The following DGKG variants were observed in gnomAD, a reference collection of about 807,000 sequenced individuals.
The protein encoded by DGKG is diacylglycerol kinase gamma, also known as DAG kinase gamma.
In DGKG, 78 loss-of-function variants were observed where a neutral mutation model predicts 105.3. The observed-to-expected ratio is 0.74, with a 90% CI of 0.62 to 0.89. DGKG has a LOEUF of 0.89. Among genes scored for constraint, DGKG ranks in the 40% least tolerant of loss-of-function variants. The probability of loss-of-function intolerance (pLI) is 0.00; values close to 1 mark genes in which losing one functional copy is unlikely to be tolerated. For missense variants in DGKG, 958 were observed against 1,020.1 expected (o/e 0.94, Z 0.83); for synonymous variants, 346 against 367.1 (o/e 0.94, Z 0.66).
intron 20 of DGKG, among the ~76,000 whole-genome samples, chr3:186,212,787 G>C (rs1654921843): frequency 6.6e-6 from 1 of 152,170 alleles, no homozygotes; most frequent in South Asian, 2.1e-4. Context: ...TTGGCTAAGA[G>C]AAGGGACACC....
chr3:186,257,933 G>A lies in DGKG; in HGVS notation c.1431C>T (p.Asn477=), dbSNP rs199506098. 31 of 1,613,964 alleles carry A rather than the reference G, an allele frequency of 1.9e-5. No individual in the cohort carries two copies. The African/African-American group carries it at 3.2e-4, about 17-fold the overall frequency. ...LDNGGPTPGL[N]FFRDTPDFRV... is the part of the protein sequence containing the mutation. ...GGAAGTCTGGAGTATCACGGAAAAA[G>A]TTCAACCTGGGAAGAAGAAGAAAGG... is the stretch of plus-strand genomic sequence containing the variant. Residue 477 remains asparagine, a synonymous_variant, in exon 17 of 25, where the codon AAC becomes AAT. Transcript: ENST00000265022.
intron 1 of DGKG, among the ~76,000 whole-genome samples, chr3:186,348,028 G>A (rs1726429944): frequency 6.6e-6 from 1 of 152,128 alleles, no homozygotes; most frequent in Non-Finnish European, 1.5e-5. Context: ...GTTCAGCAAT[G>A]AAACAATATT....
At position 186,225,174 on chromosome 3, in the gene DGKG, T is replaced by C. The variant is rs149433871; in HGVS notation, c.1827-13289A>G. Among the ~76,000 whole-genome samples, 69 of 152,106 alleles carry C rather than the reference T, an allele frequency of 4.5e-4. 1 individual carries two copies. The East Asian group carries it at 0.013, about 28-fold the overall frequency. The stretch of plus-strand genomic sequence containing the variant: ...CAAGTGGTACGATTATATTAATAGT[T>C]CCCTGTAGCTCCAAAATCCTGGGCT... On this transcript the variant is annotated intron_variant, in intron 20 of 24. Coordinates refer to ENST00000265022, the MANE Select transcript of DGKG (RefSeq NM_001346.3).
intron 19 of DGKG, among the ~76,000 whole-genome samples, chr3:186,250,354 G>A (rs535707565): frequency 6.6e-6 from 1 of 152,146 alleles, no homozygotes; most frequent in African/African-American, 2.4e-5. Flanking sequence ...GAGAGCATCA[G>A]GAAGAAACAG....
rs778932348 is a variant in DGKG, at chr3:186,164,866, T to C, written c.2216+32A>G. The C allele has an allele frequency of 5.6e-6, 9 of 1,594,092 alleles. No homozygotes were observed. The East Asian group carries it at 1.8e-4, about 32-fold the overall frequency. On this transcript the variant is annotated intron_variant, in intron 23 of 24. Transcript: ENST00000265022. ...ATGAATGTGTACGCAGGCGGGGAGA[T>C]GCAGAGGCTGTTGGGTGACAAAGAG...
At chr3:186,213,924 A>G (rs534186376) in intron 20 of DGKG, among the ~76,000 whole-genome samples, 1 of 152,336 alleles carries the variant, frequency 6.6e-6, no homozygotes, top group South Asian at 2.1e-4. Context: ...ATGGCAAAAG[A>G]CTAAGTAACA....
chr3:186,196,846 A>T (rs543058031), intron 21 of DGKG, among the ~76,000 whole-genome samples: 2 of 152,260 alleles, frequency 1.3e-5, no homozygotes, highest in South Asian at 4.1e-4. Context: ...CTCTGGGGTG[A>T]GTCGGGTGGT....
intron 22 of DGKG, among the ~76,000 whole-genome samples, chr3:186,178,080 G>A (rs192108972): frequency 6.9e-4 from 105 of 152,242 alleles, no homozygotes; most frequent in African/African-American, 2.3e-3. Flanking sequence ...GCATCCATCC[G>A]CAAACCAGGA....
chr3:186,289,933 G>A (rs987524005), intron 5 of DGKG, among the ~76,000 whole-genome samples: 1 of 152,192 alleles, frequency 6.6e-6, no homozygotes, highest in African/African-American at 2.4e-5. Flanking sequence ...GGCTGTGCTA[G>A]ATGAAAGCCT....
rs1723800181 is a variant in DGKG at position 186,299,806 on chromosome 3, T to TTTCTTTCTTTCTTTC, written c.145-1592_145-1578dup. ...CTTTCTTTCTTTCTTTCTTTCTTTC[T>TTTCTTTCTTTCTTTC]TTCTTTCTTTCTTTCTTTCTTTCTT... On this transcript the variant is annotated intron_variant, in intron 3 of 24. Coordinates refer to ENST00000265022, the MANE Select transcript of DGKG (RefSeq NM_001346.3). Among the ~76,000 whole-genome samples the TTTCTTTCTTTCTTTC allele has an allele frequency of 2.4e-4, 24 of 99,998 alleles. No individual in the cohort carries two copies. The Admixed American group carries it at 2.6e-3, about 11-fold the overall frequency. The allele number at this position is 99,998 out of a possible 152,430, so 65.6% of individuals were successfully genotyped here.
intron 6 of DGKG, among the ~76,000 whole-genome samples, chr3:186,288,051 A>C (rs1398021787): frequency 2.0e-5 from 3 of 152,222 alleles, no homozygotes; most frequent in Non-Finnish European, 4.4e-5. Context: ...ACAAGACTGC[A>C]GGCTGTTTCA....
At chr3:186,189,741 C>T (rs544368925) in intron 21 of DGKG, among the ~76,000 whole-genome samples, 1 of 152,254 alleles carries the variant, frequency 6.6e-6, no homozygotes, top group South Asian at 2.1e-4. Flanking sequence ...CTTGTTTCCC[C>T]AACTACAAGA....
In DGKG at chr3:186,298,227, C is replaced by A. The variant is rs370049749; in HGVS notation, c.147G>T (p.Pro49=). ...ACAGCTTGAAGACATCATAGCTAAT[C>A]GGCTGAGAAGGGGCAAAAGGGCAAA... is the stretch of plus-strand genomic sequence containing the variant. ...GSLKQYDPHE[P]ISYDVFKLFM... Residue 49 remains proline (P), a splice_region_variant and synonymous_variant, in exon 4 of 25, where the codon CCG becomes CCT. Coordinates refer to ENST00000265022, the MANE Select transcript of DGKG (RefSeq NM_001346.3). 9 of 1,591,526 alleles carry A rather than the reference C, an allele frequency of 5.7e-6. No homozygotes were observed. Among genetic ancestry groups the A allele is most frequent in the Admixed American group, 3.5e-5 (2 of 56,466 alleles).
chr3:186,222,309 C>T (rs571306331), intron 20 of DGKG, among the ~76,000 whole-genome samples: 8 of 152,300 alleles, frequency 5.3e-5, no homozygotes, highest in Non-Finnish European at 1.0e-4. Flanking sequence ...CCAGGCTAAC[C>T]CACAAGAGCC....
rs1722959298 is a variant in DGKG, at chr3:186,284,294, T to TA, written c.594+365_594+366insT. 6.6e-6 allele frequency among the ~76,000 whole-genome samples: 1 copy of TA among 152,100 alleles called. No individual in the cohort carries two copies. Among genetic ancestry groups the TA allele is most frequent in the Admixed American group, 6.5e-5 (1 of 15,276 alleles). On this transcript the variant is annotated intron_variant, in intron 7 of 24. Coordinates refer to ENST00000265022, the MANE Select transcript of DGKG (RefSeq NM_001346.3). This position sits in a 1 kb window ranked among gnomAD's most constrained non-coding sequence, Gnocchi z 4.0. ...AGCAGCCTCCTTCCTCGTGCCCTTTTCCCTTGGTCTTGTTGCCTCCCCCGC... is the reference window on the plus strand; with the variant it reads ...AGCAGCCTCCTTCCTCGTGCCCTTTTACCCTTGGTCTTGTTGCCTCCCCCGC...
intron 24 of DGKG, among the ~76,000 whole-genome samples, chr3:186,157,682 A>G (rs1716101783): frequency 6.6e-6 from 1 of 152,190 alleles, no homozygotes; most frequent in Non-Finnish European, 1.5e-5. Flanking sequence ...CATTAGAATC[A>G]AGATGATTGT....
intron 22 of DGKG, among the ~76,000 whole-genome samples, chr3:186,172,710 T>G (rs1716882548): frequency 6.6e-6 from 1 of 152,208 alleles, no homozygotes; most frequent in Non-Finnish European, 1.5e-5. Flanking sequence ...TAGCCACTGA[T>G]AGAAAAACTG....
intron 1 of DGKG, among the ~76,000 whole-genome samples, chr3:186,325,221 A>G (rs1725279228): frequency 6.6e-6 from 1 of 152,166 alleles, no homozygotes; most frequent in Non-Finnish European, 1.5e-5. Context: ...TGGAAGTAAA[A>G]GACACTGGGG....
Position 186,260,483 on chromosome 3 carries a change from G to A in DGKG, c.1380C>T (p.Asn460=). 2 of 1,613,546 alleles carry A rather than the reference G, an allele frequency of 1.2e-6. No homozygotes were observed. The highest frequency in any genetic ancestry group is 1.7e-6 in the Non-Finnish European group (2 of 1,179,482). The part of the protein sequence containing the change: ...RILRKFHYLL[N]PKQVFNLDNG... ...TGTCCAGGTTGAAAACTTGTTTGGG[G>A]TTGAGCAGATAGTGGAATTTCCGAA... The change falls in exon 16 of 25, where the codon AAC becomes AAT. Residue 460 remains asparagine (N), a synonymous_variant. Coordinates refer to ENST00000265022, the MANE Select transcript of DGKG (RefSeq NM_001346.3).
Sources: allele counts gnomAD v4.1 joint callset (sites outside exome capture counted in the v4.1 genomes callset), GRCh38; gene constraint gnomAD v4.1.1; non-coding constraint Gnocchi (gnomAD v3.1); transcripts MANE v1.5; gene names NCBI Gene and HGNC (gene_info 2026-07-23, HGNC 2026-07-21).